The following RIT2 variants were observed in gnomAD, a reference collection of about 807,000 sequenced individuals.
RIT2 encodes the protein GTP-binding protein Rit2.
Under a neutral mutation model 23.7 loss-of-function variants are expected in RIT2, and 24 were observed. The observed-to-expected ratio is 1.01, with a 90% CI of 0.73 to 1.43. The LOEUF (loss-of-function observed/expected upper bound fraction) is 1.43. RIT2 is among the 40% of genes most tolerant of loss of function. The pLI is 0.00. For synonymous variants in RIT2, 107 were observed against 91.1 expected (o/e 1.17, Z -0.99); for missense variants, 236 against 266.9 (o/e 0.88, Z 0.81).
chr18:43,048,774 C>T (rs927757497), intron 1 of RIT2, among the ~76,000 whole-genome samples: 1 of 152,102 alleles, frequency 6.6e-6, no homozygotes, highest in African/African-American at 2.4e-5. Flanking sequence ...CACATATGTT[C>T]ATATGATGTT....
At chr18:42,757,139 T>C (rs907612047) in intron 4 of RIT2, among the ~76,000 whole-genome samples, 2 of 152,146 alleles carry the variant, frequency 1.3e-5, no homozygotes, top group African/African-American at 2.4e-5. Context: ...AACCAACCAA[T>C]TACTACAGAA....
intron 4 of RIT2, among the ~76,000 whole-genome samples, chr18:42,828,021 A>G (rs1304890213): frequency 8.0e-5 from 12 of 149,390 alleles, no homozygotes; most frequent in East Asian, 4.3e-4. Context: ...AAAAAAAAAA[A>G]AAAAAAGAAA....
At chr18:43,086,202 G>A (rs552325109) in intron 1 of RIT2, among the ~76,000 whole-genome samples, 5 of 152,200 alleles carry the variant, frequency 3.3e-5, no homozygotes, top group South Asian at 2.1e-4. Flanking sequence ...CATATCTTTT[G>A]AGTGTCATGT....
intron 2 of RIT2, among the ~76,000 whole-genome samples, chr18:42,986,142 CA>C (rs1910704197): frequency 6.6e-6 from 1 of 151,114 alleles, no homozygotes; most frequent in Admixed American, 6.6e-5. Context: ...TGGGTTCAAG[CA>C]ATTCTCCTGC....
chr18:43,086,030 A>C (rs1326546346), intron 1 of RIT2, among the ~76,000 whole-genome samples: 2 of 152,128 alleles, frequency 1.3e-5, no homozygotes, highest in Admixed American at 6.6e-5. Flanking sequence ...TAAATTACCC[A>C]GTATGTCTTT....
At chr18:42,950,746 C>T (rs1050106484) in intron 3 of RIT2, among the ~76,000 whole-genome samples, 3 of 151,532 alleles carry the variant, frequency 2.0e-5, no homozygotes, top group Non-Finnish European at 2.9e-5. Context: ...AAGACATGAA[C>T]AGACATTTAA....
intron 4 of RIT2, among the ~76,000 whole-genome samples, chr18:42,915,189 G>A (rs1025625425): frequency 7.0e-6 from 1 of 142,430 alleles, no homozygotes; most frequent in Non-Finnish European, 1.6e-5. Flanking sequence ...CACACACCAT[G>A]CACTTGATTA....
At chr18:42,778,272 T>C (rs1279968070) in intron 4 of RIT2, among the ~76,000 whole-genome samples, 1 of 152,206 alleles carries the variant, frequency 6.6e-6, no homozygotes, top group African/African-American at 2.4e-5. Flanking sequence ...AAAAAAATCT[T>C]TACAGAAAAT....
At chr18:43,106,199 C>T (rs1031309202) in intron 1 of RIT2, among the ~76,000 whole-genome samples, 24 of 152,244 alleles carry the variant, frequency 1.6e-4, no homozygotes, top group Admixed American at 1.2e-3. Context: ...TTTTATTTTG[C>T]CATTCATTGC....
intron 1 of RIT2, among the ~76,000 whole-genome samples, chr18:43,102,472 G>C (rs1042955314): frequency 7.8e-6 from 1 of 128,564 alleles, no homozygotes; most frequent in Non-Finnish European, 1.6e-5. Flanking sequence ...TTTTTTTCCG[G>C]AGAGTAGTCC....
At chr18:42,832,514 A>T (rs1392035188) in intron 4 of RIT2, among the ~76,000 whole-genome samples, 1 of 152,174 alleles carries the variant, frequency 6.6e-6, no homozygotes, top group Non-Finnish European at 1.5e-5. Context: ...AAAGATCCTG[A>T]ATGCAAATCT....
chr18:42,921,375 G>C (rs1250149837), intron 4 of RIT2, among the ~76,000 whole-genome samples: 8 of 152,100 alleles, frequency 5.3e-5, no homozygotes, highest in African/African-American at 1.9e-4. Context: ...ACAAGGAAAA[G>C]ACTATCAAAT....
At chr18:42,781,581 G>A (rs1424801045) in intron 4 of RIT2, among the ~76,000 whole-genome samples, 1 of 152,130 alleles carries the variant, frequency 6.6e-6, no homozygotes, top group East Asian at 1.9e-4. Flanking sequence ...TATTCCTCAT[G>A]ACTTTTAGGC....
At chr18:42,911,272 G>A (rs1908762654) in intron 4 of RIT2, among the ~76,000 whole-genome samples, 1 of 151,712 alleles carries the variant, frequency 6.6e-6, no homozygotes, top group African/African-American at 2.4e-5. Context: ...AAGACATAAA[G>A]AAGAGCTAAA....
At chr18:43,110,181 A>C (rs1443385108) in intron 1 of RIT2, among the ~76,000 whole-genome samples, 1 of 152,100 alleles carries the variant, frequency 6.6e-6, no homozygotes, top group Non-Finnish European at 1.5e-5. Flanking sequence ...AATTATTTAA[A>C]TCTTAAAACA....
At chr18:42,924,758 G>A (rs1450572010) in intron 3 of RIT2, among the ~76,000 whole-genome samples, 1 of 151,966 alleles carries the variant, frequency 6.6e-6, no homozygotes, top group East Asian at 1.9e-4. Flanking sequence ...TCTTTACCTA[G>A]CAAAGTGTTT....
At chr18:42,842,799 T>C (rs958018286) in intron 4 of RIT2, among the ~76,000 whole-genome samples, 2 of 152,120 alleles carry the variant, frequency 1.3e-5, no homozygotes, top group Non-Finnish European at 2.9e-5. Flanking sequence ...CCAGAGAAAG[T>C]GTGATCCAGA....
At chr18:43,089,621 C>A (rs1913372978) in intron 1 of RIT2, among the ~76,000 whole-genome samples, 1 of 151,902 alleles carries the variant, frequency 6.6e-6, no homozygotes, top group Admixed American at 6.6e-5. Context: ...AGGTGTCATG[C>A]TACCCAGTTT....
chr18:43,111,608 C>T (rs866025452), intron 1 of RIT2, among the ~76,000 whole-genome samples: 1 of 152,036 alleles, frequency 6.6e-6, no homozygotes, highest in South Asian at 2.1e-4. Flanking sequence ...TACAAATAAA[C>T]ATAAAAAAAT....
Sources: gnomAD v4.1 joint callset for allele counts (sites outside exome capture counted in the v4.1 genomes callset) on GRCh38, gnomAD v4.1.1 for gene constraint, MANE v1.5 for transcripts, NCBI Gene and HGNC (gene_info 2026-07-23, HGNC 2026-07-21) for gene names.